The following NPNT variants were observed in gnomAD, a reference collection of about 807,000 sequenced individuals.
NPNT encodes the protein nephronectin.
In NPNT, 45 loss-of-function variants were observed where a neutral mutation model predicts 68.6. The ratio of observed to expected loss-of-function variants is 0.66; its 90% CI spans 0.52 to 0.84. The LOEUF is 0.84. Among genes scored for constraint, NPNT ranks in the 40% least tolerant of loss-of-function variants. NPNT has a pLI of 0.00. For synonymous variants in NPNT, 233 were observed against 253.3 expected, an observed-to-expected ratio of 0.92 and a Z score of 0.76; for missense variants, 672 against 714.8, an observed-to-expected ratio of 0.94 and a Z score of 0.68.
intron 10 of NPNT, among the ~76,000 whole-genome samples, chr4:105,964,019 C>G (rs1023091155): frequency 6.6e-6 from 1 of 152,030 alleles, no homozygotes; most frequent in Non-Finnish European, 1.5e-5. Flanking sequence ...AGAACATGGA[C>G]TTTGAAGCCA....
At chr4:105,907,389 T>C (rs1726988501) in intron 2 of NPNT, among the ~76,000 whole-genome samples, 1 of 152,150 alleles carries the variant, frequency 6.6e-6, no homozygotes, top group African/African-American at 2.4e-5. Context: ...CACATCTCCT[T>C]GGGAGGAACA....
intron 2 of NPNT, among the ~76,000 whole-genome samples, chr4:105,918,136 A>T (rs1266684042): frequency 2.6e-5 from 4 of 152,230 alleles, no homozygotes; most frequent in Non-Finnish European, 5.9e-5. Flanking sequence ...TTCAACAGAT[A>T]AATTTGGAAT....
chr4:105,927,113 A>AT, intron 2 of NPNT: 1 of 301,264 alleles, frequency 3.3e-6, no homozygotes, highest in Non-Finnish European at 6.1e-6. Context: ...TGAATTTAAA[A>AT]TTTTTTTCAG....
At chr4:105,914,143 T>C (rs1186657648) in intron 2 of NPNT, among the ~76,000 whole-genome samples, 1 of 151,266 alleles carries the variant, frequency 6.6e-6, no homozygotes, top group Non-Finnish European at 1.5e-5. Flanking sequence ...GAAAGAATCA[T>C]TTCCTGCTGA....
intron 8 of NPNT, among the ~76,000 whole-genome samples, chr4:105,956,253 T>C (rs1355541077): frequency 6.6e-6 from 1 of 152,142 alleles, no homozygotes; most frequent in Non-Finnish European, 1.5e-5. Flanking sequence ...CTTTAAATTT[T>C]CCAAGCACTT....
intron 2 of NPNT, chr4:105,911,493 T>A (rs1727360008): frequency 6.6e-6 from 1 of 152,156 alleles, no homozygotes; most frequent in African/African-American, 2.4e-5. Context: ...CTCTAAAATC[T>A]CTAGGTTGAT....
chr4:105,971,323 C>A lies in NPNT; in HGVS notation c.*2333C>A. 3.3e-6 allele frequency: 1 copy of A among 304,866 alleles called. No homozygotes were observed. The allele number at this position is 304,866 out of a possible 1,614,324, so 18.9% of individuals were successfully genotyped here. A position where few individuals can be genotyped will look rare whatever the true frequency, so the allele number is the denominator to read the frequency against. The stretch of plus-strand genomic sequence containing the variant: ...AGTAATATTTTTTGAACAATAGGTA[C>A]AATAGAAGGTCTTCTGTCATTTAAC... On this transcript the variant is annotated 3_prime_UTR_variant, in exon 12 of 12. Coordinates refer to ENST00000379987, the MANE Select transcript of NPNT (RefSeq NM_001033047.3).
At chr4:105,938,470 G>A in intron 5 of NPNT, 50 bp downstream of exon 5, 1 of 1,588,340 alleles carries the variant, frequency 6.3e-7, no homozygotes, top group Non-Finnish European at 8.6e-7. Flanking sequence ...TAGGATAAAG[G>A]GAGAAAGTGA....
At chr4:105,923,438 C>T (rs1728415124) in intron 2 of NPNT, among the ~76,000 whole-genome samples, 1 of 152,098 alleles carries the variant, frequency 6.6e-6, no homozygotes, top group East Asian at 1.9e-4. Flanking sequence ...AAAAGGAAAC[C>T]TTTGCTGTCT....
At chr4:105,903,535 ATATT>A (rs1726600856) in intron 2 of NPNT, among the ~76,000 whole-genome samples, 1 of 152,182 alleles carries the variant, frequency 6.6e-6, no homozygotes, top group African/African-American at 2.4e-5. Flanking sequence ...TCTTTGGAAA[ATATT>A]AATTTATTTT....
intron 2 of NPNT, among the ~76,000 whole-genome samples, chr4:105,906,737 AT>A (rs758645819): frequency 5.3e-5 from 8 of 152,246 alleles, no homozygotes; most frequent in Admixed American, 2.0e-4. Context: ...GACATTGTGA[AT>A]AGAGCAGGGA....
At chr4:105,960,573 T>G (rs909835586) in intron 10 of NPNT, among the ~76,000 whole-genome samples, 1 of 152,222 alleles carries the variant, frequency 6.6e-6, no homozygotes, top group Non-Finnish European at 1.5e-5. Context: ...AATAGGAATA[T>G]TCAATAAATT....
chr4:105,902,328 C>T (rs148431305), intron 2 of NPNT, among the ~76,000 whole-genome samples: 20 of 152,232 alleles, frequency 1.3e-4, no homozygotes, highest in African/African-American at 4.8e-4. Context: ...ATGACAACTT[C>T]CATTGAACAT....
intron 10 of NPNT, 42 bp downstream of exon 10, chr4:105,959,168 T>TA: frequency 8.2e-7 from 1 of 1,225,528 alleles, no homozygotes; most frequent in Non-Finnish European, 1.2e-6. Context: ...CACATTTCAA[T>TA]GTGATACTAT....
chr4:105,962,321 A>C (rs1224864035), intron 10 of NPNT, among the ~76,000 whole-genome samples: 1 of 152,210 alleles, frequency 6.6e-6, no homozygotes, highest in Non-Finnish European at 1.5e-5. Flanking sequence ...CATAACGTTT[A>C]GCCTGGAGAA....
intron 2 of NPNT, among the ~76,000 whole-genome samples, chr4:105,923,462 AGACT>A (rs1161549488): frequency 6.6e-6 from 1 of 152,206 alleles, no homozygotes; most frequent in African/African-American, 2.4e-5. Flanking sequence ...TAATAAACAC[AGACT>A]AAGTCCAGAT....
At chr4:105,955,349 T>C (rs188252802) in intron 8 of NPNT, among the ~76,000 whole-genome samples, 1 of 152,326 alleles carries the variant, frequency 6.6e-6, no homozygotes, top group Non-Finnish European at 1.5e-5. Flanking sequence ...AATAGCTCCC[T>C]TGAAATCAAA....
At chr4:105,932,019 A>AT (rs1392348337) in intron 3 of NPNT, among the ~76,000 whole-genome samples, 4 of 152,074 alleles carry the variant, frequency 2.6e-5, no homozygotes, top group South Asian at 2.1e-4. Flanking sequence ...AACAGTTAAC[A>AT]TTTTTTTGCA....
intron 2 of NPNT, among the ~76,000 whole-genome samples, chr4:105,908,784 C>T (rs775492750): frequency 2.4e-4 from 37 of 152,028 alleles, no homozygotes; most frequent in Admixed American, 5.2e-4. Flanking sequence ...AGGATGGTCT[C>T]GATCTCCTGA....
Sources: allele counts gnomAD v4.1 joint callset (sites outside exome capture counted in the v4.1 genomes callset), GRCh38; gene constraint gnomAD v4.1.1; transcripts MANE v1.5; gene names NCBI Gene and HGNC (gene_info 2026-07-23, HGNC 2026-07-21).